The following FHAD1 variants were observed in gnomAD, a reference collection of about 807,000 sequenced individuals.
FHAD1 encodes forkhead associated phosphopeptide binding domain 1, also known as forkhead-associated domain-containing protein 1.
Under a neutral mutation model 191.3 loss-of-function variants are expected in FHAD1, and 146 were observed. The observed-to-expected ratio is 0.76, with a 90% CI of 0.67 to 0.88. The LOEUF is 0.88. FHAD1 is among the 40% of genes least tolerant of loss of function. The pLI, the probability that FHAD1 is intolerant of heterozygous loss-of-function variation, is 0.00. For synonymous variants in FHAD1, 616 were observed against 672.3 expected, an observed-to-expected ratio of 0.92 and a Z score of 1.29; for missense variants, 1,635 against 1,785.8, an observed-to-expected ratio of 0.92 and a Z score of 1.52.
At chr1:15,253,377 G>A (rs1411749531) in intron 2 of FHAD1, among the ~76,000 whole-genome samples, 1 of 152,096 alleles carries the variant, frequency 6.6e-6, no homozygotes, top group African/African-American at 2.4e-5. Context: ...GATAGAAATT[G>A]TGTTTAAATC....
intron 5 of FHAD1, among the ~76,000 whole-genome samples, chr1:15,297,496 G>T (rs1239409856): frequency 6.6e-6 from 1 of 152,210 alleles, no homozygotes; most frequent in East Asian, 1.9e-4. Flanking sequence ...ACCACCTGGA[G>T]CTCTTGTCAC....
intron 2 of FHAD1, among the ~76,000 whole-genome samples, chr1:15,253,318 A>G (rs1481597457): frequency 6.6e-6 from 1 of 152,132 alleles, no homozygotes; most frequent in East Asian, 1.9e-4. Context: ...TCCCATATAA[A>G]TTTTAGAATA....
chr1:15,316,259 G>A lies in FHAD1; in HGVS notation c.1171-119G>A. 1 of 767,208 alleles carries A rather than the reference G, an allele frequency of 1.3e-6. No individual in the cohort carries two copies. The highest frequency in any genetic ancestry group is 2.2e-6 in the Non-Finnish European group (1 of 462,554). 47.5% of individuals were successfully genotyped at this position (767,208 alleles called of 1,614,324 possible). On this transcript the variant is annotated intron_variant, in intron 8 of 33. Transcript: ENST00000688493. The surrounding 1 kb of genome is among the most constrained non-coding windows in gnomAD (Gnocchi z 4.3). ...CCTTTTGGGATCTCAGTGCGTGACT[G>A]GATGGAAACAGCAGGAAATGCTCTC...
rs562202251 is a variant in FHAD1 at position 15,295,975 on chromosome 1, CT to C, written c.569-707del. On this transcript the variant is annotated intron_variant, in intron 4 of 33. Transcript: ENST00000688493. ...TGCTCTACCTAACGTTTCGTTTACTCTTCACAGTAGCCCTTTATGATAGAGA... is the reference window on the plus strand; with the variant it reads ...TGCTCTACCTAACGTTTCGTTTACTCTCACAGTAGCCCTTTATGATAGAGA... 1.3e-4 allele frequency among the ~76,000 whole-genome samples: 20 copies of C among 152,350 alleles called. No homozygotes were observed. The East Asian group carries it at 3.7e-3, about 28-fold the overall frequency.
chr1:15,392,360 G>A (rs190127966), intron 33 of FHAD1, among the ~76,000 whole-genome samples: 1,982 of 152,162 alleles, frequency 0.013, 20 homozygotes, highest in Non-Finnish European at 0.023. Flanking sequence ...GTGAAACCCC[G>A]TCTTTACTAA....
chr1:15,273,029 T>A (rs946721235), intron 3 of FHAD1, among the ~76,000 whole-genome samples: 2 of 152,128 alleles, frequency 1.3e-5, no homozygotes, highest in Admixed American at 6.6e-5. Context: ...AAGCCAAATC[T>A]GTGAAGTCCG....
intron 33 of FHAD1, among the ~76,000 whole-genome samples, chr1:15,391,987 A>G (rs920114668): frequency 4.6e-5 from 7 of 152,228 alleles, no homozygotes; most frequent in African/African-American, 1.4e-4. Context: ...TTGGCTGAGA[A>G]TGACATGGAG....
In FHAD1 at chr1:15,365,931, G is replaced by A. The variant is rs1696280024; in HGVS notation, c.3152G>A (p.Arg1051Lys). ...GCCCACAGCAGAATGTCGGATTTGA[G>A]AGGTTTGAACAATTTCTGGTGTCTC... The part of the protein sequence containing the change: ...TEAHSRMSDL[R>K]GELNEKQKME... Residue 1051 changes from arginine to lysine, a missense_variant and splice_region_variant, in exon 24 of 34, where the codon AGA becomes AAA. Arg to Lys is a conservative substitution (Grantham distance 26). Coordinates refer to ENST00000688493, the MANE Select transcript of FHAD1 (RefSeq NM_001391957.1). The A allele has an allele frequency of 1.3e-6, 2 of 1,548,824 alleles. No individual in the cohort carries two copies. The highest frequency in any genetic ancestry group is 1.7e-6 in the Non-Finnish European group (2 of 1,144,408).
intron 2 of FHAD1, among the ~76,000 whole-genome samples, chr1:15,258,166 A>G (rs1005088269): frequency 6.6e-6 from 1 of 152,054 alleles, no homozygotes; most frequent in Non-Finnish European, 1.5e-5. Flanking sequence ...TGCCACCACC[A>G]TCCATCCACA....
At position 15,289,804 on chromosome 1, in the gene FHAD1, G is replaced by T. The variant is rs1471862759; in HGVS notation, c.568+138G>T. ...AATGAAAATAAATTCAGGATAAGCA[G>T]AAAGTAAGAAAACAGTTAAAAAATC... On this transcript the variant is annotated intron_variant, in intron 4 of 33. Transcript: ENST00000688493. The surrounding 1 kb of genome is among the most constrained non-coding windows in gnomAD (Gnocchi z 4.2). 3.0e-6 allele frequency: 4 copies of T among 1,355,196 alleles called. No homozygotes were observed. The highest frequency in any genetic ancestry group is 2.9e-6 in the Non-Finnish European group (3 of 1,024,638). The allele number at this position is 1,355,196 out of a possible 1,614,324, so 83.9% of individuals were successfully genotyped here.
At chr1:15,346,141 C>T (rs1688848671) in intron 18 of FHAD1, among the ~76,000 whole-genome samples, 2 of 152,154 alleles carry the variant, frequency 1.3e-5, no homozygotes, top group African/African-American at 2.4e-5. Flanking sequence ...CCTCCCCGGG[C>T]CCAAGCGCCC....
chr1:15,259,363 T>G (rs1649904784), intron 2 of FHAD1, among the ~76,000 whole-genome samples: 1 of 152,172 alleles, frequency 6.6e-6, no homozygotes, highest in East Asian at 1.9e-4. Context: ...TGTAAAGATG[T>G]GGAAATGGGG....
intron 2 of FHAD1, among the ~76,000 whole-genome samples, chr1:15,271,063 C>T (rs1274266817): frequency 6.9e-6 from 1 of 145,446 alleles, no homozygotes; most frequent in Non-Finnish European, 1.5e-5. Flanking sequence ...GGCGTGAACC[C>T]GGGAGGCAGA....
At chr1:15,391,591 C>T (rs1245986315) in intron 33 of FHAD1, among the ~76,000 whole-genome samples, 1 of 152,218 alleles carries the variant, frequency 6.6e-6, no homozygotes, top group African/African-American at 2.4e-5. Flanking sequence ...AATCCACACT[C>T]CTGCTTTGCA....
chr1:15,283,748 G>T (rs1216892760), intron 3 of FHAD1, among the ~76,000 whole-genome samples: 2 of 152,160 alleles, frequency 1.3e-5, no homozygotes, highest in Admixed American at 1.3e-4. Context: ...CTGTGACTCA[G>T]ACTTGCAGGA....
intron 23 of FHAD1, 90 bp downstream of exon 23, chr1:15,362,816 C>A (rs1338319467): frequency 1.0e-6 from 1 of 993,880 alleles, no homozygotes; most frequent in Non-Finnish European, 1.5e-6. Flanking sequence ...ACCTGGGCCA[C>A]ATTGTCAGAA....
intron 18 of FHAD1, among the ~76,000 whole-genome samples, chr1:15,347,916 G>A (rs1208334950): frequency 6.6e-6 from 1 of 152,232 alleles, no homozygotes; most frequent in Non-Finnish European, 1.5e-5. Flanking sequence ...GTGTGAGCCA[G>A]GCAAGGCCTC....
intron 24 of FHAD1, among the ~76,000 whole-genome samples, chr1:15,366,495 A>G (rs1454119135): frequency 6.6e-6 from 1 of 152,124 alleles, no homozygotes; most frequent in Non-Finnish European, 1.5e-5. Context: ...CTGAAATGCA[A>G]CTTACTTCTT....
downstream of FHAD1, among the ~76,000 whole-genome samples, chr1:15,398,357 C>T (rs147842202): frequency 3.0e-3 from 459 of 151,782 alleles, 1 homozygote; most frequent in African/African-American, 0.011. Flanking sequence ...TAATGACTAA[C>T]GTCTGTATAG....
Sources: allele counts gnomAD v4.1 joint callset (sites outside exome capture counted in the v4.1 genomes callset), GRCh38; gene constraint gnomAD v4.1.1; non-coding constraint Gnocchi (gnomAD v3.1); transcripts MANE v1.5; gene names NCBI Gene and HGNC (gene_info 2026-07-23, HGNC 2026-07-21).